The following DPP10 variants were observed in gnomAD, a reference collection of about 807,000 sequenced individuals.
The protein encoded by DPP10 is inactive dipeptidyl peptidase 10.
A neutral mutation model predicts 120.9 loss-of-function variants in DPP10; 33 were observed. The ratio of observed to expected loss-of-function variants is 0.27; its 90% CI spans 0.21 to 0.37. DPP10 has a LOEUF of 0.37. Among genes scored for constraint, DPP10 ranks in the 10% least tolerant of loss-of-function variants. DPP10 has a pLI of 1.00. For synonymous variants in DPP10, 337 were observed against 326.1 expected (o/e 1.03, Z -0.36); for missense variants, 816 against 942.8 (o/e 0.87, Z 1.76).
intron 1 of DPP10, among the ~76,000 whole-genome samples, chr2:114,483,382 G>A (rs890034842): frequency 2.0e-5 from 3 of 151,976 alleles, no homozygotes; most frequent in African/African-American, 7.2e-5. Context: ...AATGTTCAAT[G>A]GCCATAGCAT....
intron 1 of DPP10, among the ~76,000 whole-genome samples, chr2:115,228,991 C>A (rs2057592590): frequency 6.6e-6 from 1 of 152,112 alleles, no homozygotes; most frequent in African/African-American, 2.4e-5. Context: ...TACATTCCCA[C>A]CAACAGTGTA....
intron 1 of DPP10, among the ~76,000 whole-genome samples, chr2:114,532,256 CATATATATAT>C (rs66716319): frequency 0.14 from 11,641 of 85,532 alleles, 1,021 homozygotes; most frequent in Non-Finnish European, 0.18. Flanking sequence ...AATAAATCTC[CATATATATAT>C]ATATATATAT....
At chr2:114,629,060 C>T (rs1694724993) in intron 1 of DPP10, among the ~76,000 whole-genome samples, 1 of 152,098 alleles carries the variant, frequency 6.6e-6, no homozygotes, top group African/African-American at 2.4e-5. Context: ...TGTTGTGCAC[C>T]TCCCATGGGT....
At chr2:114,946,360 T>G (rs1465453116) in intron 1 of DPP10, among the ~76,000 whole-genome samples, 1 of 152,172 alleles carries the variant, frequency 6.6e-6, no homozygotes. Flanking sequence ...GAGGATCTAA[T>G]GGATATGGAG....
At chr2:115,234,743 C>G (rs892257484) in intron 1 of DPP10, 1 of 152,124 alleles carries the variant, frequency 6.6e-6, no homozygotes, top group African/African-American at 2.4e-5. Flanking sequence ...ATATATAATT[C>G]TTTCTCATTC....
At chr2:115,064,513 C>T (rs1227609036) in intron 1 of DPP10, 1 of 377,366 alleles carries the variant, frequency 2.6e-6, no homozygotes, top group African/African-American at 2.1e-5. Context: ...CATCTGTTGC[C>T]CATCACTCAA....
intron 3 of DPP10, among the ~76,000 whole-genome samples, chr2:115,417,685 C>T (rs1010851647): frequency 6.6e-6 from 1 of 152,130 alleles, no homozygotes; most frequent in Non-Finnish European, 1.5e-5. Context: ...TCTAGATAGC[C>T]TGGTTCCAGG....
chr2:115,464,560 C>G (rs1411324796), intron 3 of DPP10, among the ~76,000 whole-genome samples: 1 of 152,062 alleles, frequency 6.6e-6, no homozygotes, highest in African/African-American at 2.4e-5. Flanking sequence ...TGTGTGAATG[C>G]CCCAGCCTGT....
chr2:115,841,258 G>C (rs1176523134), intron 25 of DPP10, among the ~76,000 whole-genome samples: 1 of 151,540 alleles, frequency 6.6e-6, no homozygotes, highest in Non-Finnish European at 1.5e-5. Context: ...ATAATAAATA[G>C]TGGATAAAAA....
chr2:115,825,306 C>T (rs146835042), intron 21 of DPP10, among the ~76,000 whole-genome samples: 4 of 152,266 alleles, frequency 2.6e-5, no homozygotes, highest in Non-Finnish European at 2.9e-5. Flanking sequence ...ATTCAGGTGT[C>T]GTTTCCTCCA....
chr2:115,192,604 C>A (rs1261804022), intron 1 of DPP10, among the ~76,000 whole-genome samples: 2 of 152,106 alleles, frequency 1.3e-5, no homozygotes, highest in Non-Finnish European at 2.9e-5. Context: ...AGTTTTTAGA[C>A]CAAAGAAAAC....
intron 3 of DPP10, among the ~76,000 whole-genome samples, chr2:115,477,931 T>A (rs2075194328): frequency 1.3e-5 from 2 of 152,130 alleles, no homozygotes; most frequent in Admixed American, 6.6e-5. Flanking sequence ...AAGCTGTCGA[T>A]CATGGCAGAA....
rs551709349 is a variant in DPP10 at position 114,584,552 on chromosome 2, C to G, written c.60+141714C>G. Among the ~76,000 whole-genome samples, 1,095 of 114,690 alleles carry G rather than the reference C, an allele frequency of 9.5e-3. 27 individuals are homozygous for G. The highest frequency in any genetic ancestry group is 0.034 in the African/African-American group (1,018 of 29,856). The allele number at this position is 114,690 out of a possible 152,430, so 75.2% of individuals were successfully genotyped here. On this transcript the variant is annotated intron_variant, in intron 1 of 25. Coordinates refer to ENST00000410059, the MANE Select transcript of DPP10 (RefSeq NM_020868.6). ...TAATGCTATCCCTCCCCCCTCCCCCCACCCCACAACAGGCCCCAGAGTGTG... is the reference window on the plus strand; with the variant it reads ...TAATGCTATCCCTCCCCCCTCCCCCGACCCCACAACAGGCCCCAGAGTGTG...
intron 3 of DPP10, among the ~76,000 whole-genome samples, chr2:115,400,462 G>A (rs1237883006): frequency 7.0e-6 from 1 of 142,892 alleles, no homozygotes; most frequent in Non-Finnish European, 1.5e-5. Flanking sequence ...TTACAATCAT[G>A]ATATCTACCC....
intron 1 of DPP10, among the ~76,000 whole-genome samples, chr2:115,093,562 C>A (rs1709460678): frequency 6.6e-6 from 1 of 151,912 alleles, no homozygotes; most frequent in South Asian, 2.1e-4. Context: ...AATTTGGTAT[C>A]ATGTAATGCC....
intron 1 of DPP10, among the ~76,000 whole-genome samples, chr2:115,257,240 AT>A (rs2059042461): frequency 6.6e-6 from 1 of 152,032 alleles, no homozygotes; most frequent in Admixed American, 6.6e-5. Flanking sequence ...TTTTCAGGTA[AT>A]TTTTAGCAAT....
At chr2:114,987,066 C>G (rs1700449793) in intron 1 of DPP10, among the ~76,000 whole-genome samples, 2 of 152,136 alleles carry the variant, frequency 1.3e-5, no homozygotes, top group Admixed American at 1.3e-4. Flanking sequence ...AGGCGTGAAC[C>G]ACTGCACCCG....
At chr2:114,957,400 A>C (rs940404018) in intron 1 of DPP10, among the ~76,000 whole-genome samples, 4 of 152,160 alleles carry the variant, frequency 2.6e-5, no homozygotes, top group African/African-American at 9.7e-5. Context: ...CCGCAATGAG[A>C]TATCACCTCA....
At chr2:115,443,533 A>G (rs2072274129) in intron 3 of DPP10, among the ~76,000 whole-genome samples, 1 of 152,244 alleles carries the variant, frequency 6.6e-6, no homozygotes, top group South Asian at 2.1e-4. Flanking sequence ...GACAGACATT[A>G]CATTTATGAT....
Sources: gnomAD v4.1 joint callset for allele counts (sites outside exome capture counted in the v4.1 genomes callset) on GRCh38, gnomAD v4.1.1 for gene constraint, MANE v1.5 for transcripts, NCBI Gene and HGNC (gene_info 2026-07-23, HGNC 2026-07-21) for gene names.